GALNT7: variants seen among roughly 807,000 people sequenced by gnomAD.
The protein encoded by GALNT7 is N-acetylgalactosaminyltransferase 7.
A neutral mutation model predicts 82.1 loss-of-function variants in GALNT7; 60 were observed. The ratio of observed to expected loss-of-function variants is 0.73; its 90% CI spans 0.59 to 0.91. The LOEUF (loss-of-function observed/expected upper bound fraction) is 0.91. GALNT7 is among the 40% of genes least tolerant of loss of function. GALNT7 has a pLI of 0.00. For missense variants in GALNT7, 660 were observed against 804.2 expected (o/e 0.82, Z 2.17); for synonymous variants, 243 against 275.1 (o/e 0.88, Z 1.15).
chr4:173,285,961 G>A (rs528652772), intron 2 of GALNT7, among the ~76,000 whole-genome samples: 41 of 152,072 alleles, frequency 2.7e-4, no homozygotes, highest in East Asian at 7.7e-4. Context: ...GGTCTTTCAC[G>A]TATGCATCAA....
At chr4:173,237,442 T>C (rs1042588307) in intron 1 of GALNT7, among the ~76,000 whole-genome samples, 2 of 152,198 alleles carry the variant, frequency 1.3e-5, no homozygotes, top group Admixed American at 6.5e-5. Context: ...TAATAGGACA[T>C]TGCTTTTTTG....
chr4:173,217,897 A>G (rs927257133), intron 1 of GALNT7, among the ~76,000 whole-genome samples: 2 of 152,174 alleles, frequency 1.3e-5, no homozygotes, highest in African/African-American at 2.4e-5. Flanking sequence ...ATTGTAAGAT[A>G]CTCCCTATAA....
intron 2 of GALNT7, among the ~76,000 whole-genome samples, chr4:173,264,532 G>A (rs753373464): frequency 1.3e-5 from 2 of 152,118 alleles, no homozygotes; most frequent in Non-Finnish European, 2.9e-5. Flanking sequence ...AGAGGGAGTC[G>A]TCAATTTTTC....
intron 1 of GALNT7, among the ~76,000 whole-genome samples, chr4:173,196,155 C>T (rs4695827): frequency 0.15 from 23,099 of 149,478 alleles, 1,849 homozygotes; most frequent in Non-Finnish European, 0.18. Context: ...GACAGAGTCT[C>T]GCTCTGTCGC....
intron 1 of GALNT7, among the ~76,000 whole-genome samples, chr4:173,216,729 T>A (rs11281263): frequency 3.9e-4 from 4 of 10,346 alleles, no homozygotes; most frequent in East Asian, 1.1e-3. Flanking sequence ...ATATATATAT[T>A]TTTTTTTTTT....
intron 1 of GALNT7, among the ~76,000 whole-genome samples, chr4:173,216,727 A>ATATATATATATATATATATATATATT (rs71244915): frequency 7.7e-5 from 1 of 12,978 alleles, no homozygotes; most frequent in African/African-American, 2.8e-4. Flanking sequence ...ATATATATAT[A>ATATATATATATATATATATATATATT]TTTTTTTTTT....
At chr4:173,260,096 T>C (rs1308986534) in intron 2 of GALNT7, among the ~76,000 whole-genome samples, 2 of 152,230 alleles carry the variant, frequency 1.3e-5, no homozygotes, top group Non-Finnish European at 2.9e-5. Flanking sequence ...CTTATAAATA[T>C]TGTAGTTACA....
At position 173,321,924 on chromosome 4, in the gene GALNT7, T is replaced by G. The variant is rs1737833967; in HGVS notation, c.*207T>G. 8 of 442,484 alleles carry G rather than the reference T, an allele frequency of 1.8e-5. No individual in the cohort carries two copies. Among genetic ancestry groups the G allele is most frequent in the Non-Finnish European group, 3.3e-5 (8 of 243,176 alleles). 27.4% of individuals were successfully genotyped at this position (442,484 alleles called of 1,614,324 possible). A position where few individuals can be genotyped will look rare whatever the true frequency, so the allele number is the denominator to read the frequency against. On this transcript the variant is annotated 3_prime_UTR_variant, in exon 12 of 12. Coordinates refer to ENST00000265000, the MANE Select transcript of GALNT7 (RefSeq NM_017423.3). The stretch of plus-strand genomic sequence containing the variant: ...TACTGTTTACAAGACTGCTTTTACC[T>G]TAAACTTTGTAGATGTTTACATCTT...
intron 2 of GALNT7, among the ~76,000 whole-genome samples, chr4:173,277,048 T>A (rs13116799): frequency 4.8e-5 from 7 of 145,628 alleles, no homozygotes; most frequent in East Asian, 1.9e-4. Context: ...ATTGATAGAT[T>A]GATTGATTAA....
rs536575562 is a variant in GALNT7, at chr4:173,204,940, A to G, written c.126+35979A>G. On this transcript the variant is annotated intron_variant, in intron 1 of 11. Coordinates refer to ENST00000265000, the MANE Select transcript of GALNT7 (RefSeq NM_017423.3). Reference sequence around the variant, plus strand: ...AGTAAGGACTTATTCCAGACTTTGCATACTGGGATTTTCTGGGGAAGCCTT... The same window carrying G: ...AGTAAGGACTTATTCCAGACTTTGCGTACTGGGATTTTCTGGGGAAGCCTT... Among the ~76,000 whole-genome samples the G allele has an allele frequency of 4.6e-5, 7 of 152,316 alleles. No individual in the cohort carries two copies. The East Asian group carries it at 9.7e-4, about 21-fold the overall frequency.
intron 2 of GALNT7, 30 bp downstream of exon 2, chr4:173,248,470 T>C (rs777234493): frequency 2.2e-6 from 3 of 1,356,286 alleles, no homozygotes; most frequent in Non-Finnish European, 2.0e-6. Flanking sequence ...TTTCTAAAAA[T>C]GGGGCAACTG....
chr4:173,183,215 T>TA (rs923217592), intron 1 of GALNT7, among the ~76,000 whole-genome samples: 6 of 150,832 alleles, frequency 4.0e-5, no homozygotes, highest in East Asian at 1.9e-4. Flanking sequence ...TAATGGAACT[T>TA]AAAAAAAATG....
At chr4:173,229,704 C>T (rs1369124580) in intron 1 of GALNT7, among the ~76,000 whole-genome samples, 4 of 152,226 alleles carry the variant, frequency 2.6e-5, no homozygotes, top group Admixed American at 1.3e-4. Flanking sequence ...AAAAGAGATA[C>T]GTATGATGCA....
chr4:173,248,628 T>G (rs1579953468), intron 2 of GALNT7, among the ~76,000 whole-genome samples, 188 bp downstream of exon 2: 1 of 152,256 alleles, frequency 6.6e-6, no homozygotes, highest in East Asian at 1.9e-4. Context: ...GTATTGAAGG[T>G]GGGCTGTATA....
chr4:173,295,965 T>C (rs1736704600), intron 5 of GALNT7, 122 bp downstream of exon 5: 3 of 689,040 alleles, frequency 4.4e-6, no homozygotes, highest in East Asian at 2.7e-5. Context: ...TTTAGTGTTA[T>C]CCCTCATCTA....
rs1172347633 is a variant in GALNT7, at chr4:173,302,062, T to TG, written c.1169dup (p.Leu391IlefsTer5). The TG allele has an allele frequency of 6.4e-7, 1 of 1,558,598 alleles. No individual in the cohort carries two copies. The highest frequency in any genetic ancestry group is 8.9e-7 in the Non-Finnish European group (1 of 1,129,510). ...TTTTTCTTAGGTCCCCAGCCATGGCTGGGGGATTATTTGCCATTGAACGAG... is the reference window on the plus strand; with the variant it reads ...TTTTTCTTAGGTCCCCAGCCATGGCTGGGGGGATTATTTGCCATTGAACGAG... On this transcript the variant is annotated frameshift_variant, in exon 7 of 12. Coordinates refer to ENST00000265000, the MANE Select transcript of GALNT7 (RefSeq NM_017423.3). LOFTEE classifies it high-confidence loss of function. The surrounding 1 kb of genome is among the most constrained non-coding windows in gnomAD (Gnocchi z 4.2).
intron 2 of GALNT7, among the ~76,000 whole-genome samples, chr4:173,279,803 T>C (rs986999488): frequency 2.0e-5 from 3 of 151,966 alleles, no homozygotes; most frequent in Non-Finnish European, 4.4e-5. Context: ...CCAAACCTTG[T>C]CTCTACTAAA....
chr4:173,228,893 A>C (rs1733928994), intron 1 of GALNT7, among the ~76,000 whole-genome samples: 1 of 152,200 alleles, frequency 6.6e-6, no homozygotes, highest in Non-Finnish European at 1.5e-5. Flanking sequence ...ATTTGTTGAA[A>C]ATAATGATCT....
At chr4:173,210,625 GT>G (rs1426983765) in intron 1 of GALNT7, among the ~76,000 whole-genome samples, 4 of 151,892 alleles carry the variant, frequency 2.6e-5, no homozygotes, top group African/African-American at 9.7e-5. Context: ...TAGACACGGG[GT>G]TTCACCACGT....
Sources: gnomAD v4.1 joint callset for allele counts (sites outside exome capture counted in the v4.1 genomes callset) on GRCh38, gnomAD v4.1.1 for gene constraint, Gnocchi (gnomAD v3.1) non-coding constraint, MANE v1.5 for transcripts, NCBI Gene and HGNC (gene_info 2026-07-23, HGNC 2026-07-21) for gene names.